Variants in CRB1 observed in about 807,000 individuals in gnomAD.
CRB1 encodes crumbs cell polarity complex component 1, also known as protein crumbs homolog 1.
Under a neutral mutation model 120.0 loss-of-function variants are expected in CRB1, and 83 were observed. The ratio of observed to expected loss-of-function variants is 0.69; its 90% confidence interval spans 0.58 to 0.83. CRB1 has a LOEUF of 0.83. Among genes scored for constraint, CRB1 ranks in the 40% least tolerant of loss-of-function variants. The probability of loss-of-function intolerance (pLI) is 0.00; values close to 1 mark genes in which losing one functional copy is unlikely to be tolerated. For synonymous variants in CRB1, 625 were observed against 612.5 expected, an observed-to-expected ratio of 1.02 and a Z score of -0.30; for missense variants, 1,699 against 1,687.6, an observed-to-expected ratio of 1.01 and a Z score of -0.12.
chr1:197,232,034 G>T, the CRB1 span, among the ~76,000 whole-genome samples: 1 of 152,142 alleles, frequency 6.6e-6, no homozygotes, highest in Non-Finnish European at 1.5e-5. Flanking sequence ...AATTACAGGG[G>T]CTCCTTATAA....
At chr1:197,213,298 C>G in the CRB1 span, among the ~76,000 whole-genome samples, 1 of 152,148 alleles carries the variant, frequency 6.6e-6, no homozygotes, top group Non-Finnish European at 1.5e-5. Context: ...GCTACAAAGT[C>G]TGTGTGTAAG....
At chr1:197,255,559 T>C in the CRB1 span, among the ~76,000 whole-genome samples, 1 of 152,070 alleles carries the variant, frequency 6.6e-6, no homozygotes, top group Non-Finnish European at 1.5e-5. Context: ...TTAGTAATTA[T>C]AAGAAGGAGC....
chr1:197,267,754 A>G (rs1654687382), upstream of CRB1, among the ~76,000 whole-genome samples: 1 of 152,224 alleles, frequency 6.6e-6, no homozygotes, highest in African/African-American at 2.4e-5. Flanking sequence ...AAGAAATCCC[A>G]GAGCATATAA....
the CRB1 span, among the ~76,000 whole-genome samples, chr1:197,238,378 A>T: frequency 3.9e-5 from 6 of 152,172 alleles, no homozygotes; most frequent in Non-Finnish European, 7.3e-5. Context: ...TATAGGTATC[A>T]TTATGCTTAT....
rs543409694 is a variant in CRB1, at chr1:197,312,702, T to C, written c.71-15720T>C. Among the ~76,000 whole-genome samples the C allele has an allele frequency of 2.0e-5, 3 of 152,366 alleles. No homozygotes were observed. In the South Asian group the frequency reaches 6.2e-4, roughly 32 times the overall value. On this transcript the variant is annotated intron_variant, in intron 1 of 11. Transcript: ENST00000367400. ...CAAATAAAATAAAAGAGAGCACTTT[T>C]ATATTGTGTTTTTTACACATAGCAA...
intron 11 of CRB1, among the ~76,000 whole-genome samples, chr1:197,476,251 C>T (rs992323700): frequency 3.9e-5 from 6 of 151,930 alleles, no homozygotes; most frequent in Admixed American, 3.3e-4. Flanking sequence ...TGAGCATCCA[C>T]TAATCCTTCA....
intron 11 of CRB1, 182 bp from the exon 12 acceptor site, chr1:197,477,482 A>G (rs1169664285): frequency 8.5e-6 from 6 of 704,850 alleles, no homozygotes; most frequent in South Asian, 7.5e-5. Flanking sequence ...TAGATATATG[A>G]TTATTTGTAA....
the CRB1 span, among the ~76,000 whole-genome samples, chr1:197,219,980 A>T: frequency 1.3e-5 from 2 of 152,310 alleles, no homozygotes; most frequent in South Asian, 4.1e-4. Flanking sequence ...TAGGATAATG[A>T]CCCAGTCACA....
intron 5 of CRB1, among the ~76,000 whole-genome samples, chr1:197,386,645 G>A (rs1421101440): frequency 3.3e-5 from 5 of 152,108 alleles, no homozygotes; most frequent in Admixed American, 6.6e-5. Context: ...AGAAATAATA[G>A]TCTATATCGT....
chr1:197,304,851 T>C (rs11805452), intron 1 of CRB1, among the ~76,000 whole-genome samples: 25,141 of 152,190 alleles, frequency 0.17, 2,303 homozygotes, highest in Middle Eastern at 0.25. Flanking sequence ...TTCATTCACT[T>C]GCTTTGTGAA....
intron 5 of CRB1, among the ~76,000 whole-genome samples, chr1:197,363,138 T>G (rs1660866062): frequency 6.7e-6 from 1 of 150,280 alleles, no homozygotes; most frequent in Non-Finnish European, 1.5e-5. Context: ...TATTTAGGTT[T>G]TTTTTTTTTG....
chr1:197,424,987 G>A (rs548512574), intron 6 of CRB1, among the ~76,000 whole-genome samples: 35 of 152,224 alleles, frequency 2.3e-4, no homozygotes, highest in African/African-American at 8.2e-4. Context: ...CTGAGAAATA[G>A]GATTGCTGAA....
the CRB1 span, among the ~76,000 whole-genome samples, chr1:197,232,662 A>AC: frequency 6.6e-6 from 1 of 152,116 alleles, no homozygotes; most frequent in African/African-American, 2.4e-5. Flanking sequence ...TGGTTTTCAA[A>AC]CCCCAAATTC....
At chr1:197,407,801 A>C (rs1036561131) in intron 5 of CRB1, among the ~76,000 whole-genome samples, 15 of 152,198 alleles carry the variant, frequency 9.9e-5, no homozygotes, top group Admixed American at 7.9e-4. Context: ...ACAACAAATC[A>C]AAAAATATTA....
chr1:197,459,793 A>G (rs1666440896), intron 11 of CRB1, among the ~76,000 whole-genome samples: 2 of 152,132 alleles, frequency 1.3e-5, no homozygotes. Context: ...AACTCAAAGC[A>G]ATACAAACTG....
rs576468842 is a variant in CRB1 at position 197,355,046 on chromosome 1, T to A, written c.989-1785T>A. Among the ~76,000 whole-genome samples the A allele has an allele frequency of 3.3e-5, 5 of 151,728 alleles. No homozygotes were observed. The East Asian group carries it at 9.8e-4, about 30-fold the overall frequency. On this transcript the variant is annotated intron_variant, in intron 4 of 11. Coordinates refer to ENST00000367400, the MANE Select transcript of CRB1 (RefSeq NM_201253.3). ...AAAGATTCTCCAAGTCCCACTAGATTAGCTAGATACAGAGTGCCTATTGTT... is the reference window on the plus strand; with the variant it reads ...AAAGATTCTCCAAGTCCCACTAGATAAGCTAGATACAGAGTGCCTATTGTT...
At chr1:197,375,181 G>A (rs1486019426) in intron 5 of CRB1, among the ~76,000 whole-genome samples, 2 of 152,162 alleles carry the variant, frequency 1.3e-5, no homozygotes, top group African/African-American at 4.8e-5. Context: ...GAGTTAGCCT[G>A]TTACTGTTTC....
rs545569310 is a variant in CRB1 at position 197,365,469 on chromosome 1, C to T, written c.1171+8456C>T. On this transcript the variant is annotated intron_variant, in intron 5 of 11. Transcript: ENST00000367400. Reference sequence around the variant, plus strand: ...ATTGTGGTAGCATAATTCCTTTTGCCATGGCCCCCTTGCCTATGATGCCTC... The same window carrying T: ...ATTGTGGTAGCATAATTCCTTTTGCTATGGCCCCCTTGCCTATGATGCCTC... Among the ~76,000 whole-genome samples, 5 of 152,160 alleles carry T rather than the reference C, an allele frequency of 3.3e-5. No homozygotes were observed. In the East Asian group the frequency reaches 9.7e-4, roughly 29 times the overall value.
At chr1:197,420,483 G>A (rs966416868) in intron 5 of CRB1, among the ~76,000 whole-genome samples, 2 of 152,168 alleles carry the variant, frequency 1.3e-5, no homozygotes, top group Non-Finnish European at 2.9e-5. Context: ...GTCCTTCATG[G>A]TGAGAGTTGT....
Sources: gnomAD v4.1 joint callset for allele counts (sites outside exome capture counted in the v4.1 genomes callset) on GRCh38, gnomAD v4.1.1 for gene constraint, MANE v1.5 for transcripts, NCBI Gene and HGNC (gene_info 2026-07-23, HGNC 2026-07-21) for gene names.